Variants in POU2F1 observed in about 807,000 individuals in gnomAD.
POU2F1 encodes POU domain, class 2, transcription factor 1.
POU2F1 carries 16 observed loss-of-function variants against 84.9 expected under a neutral mutation model. The observed-to-expected ratio is 0.19, with a 90% CI of 0.13 to 0.29. The LOEUF is 0.29. POU2F1 is among the 10% of genes least tolerant of loss of function. The pLI is 1.00. For missense variants in POU2F1, 738 were observed against 942.6 expected, an observed-to-expected ratio of 0.78 and a Z score of 2.84; for synonymous variants, 368 against 368.3, an observed-to-expected ratio of 1.00 and a Z score of 0.01.
At chr1:167,345,998 C>CA (rs34988697) in intron 2 of POU2F1, among the ~76,000 whole-genome samples, 306 of 124,032 alleles carry the variant, frequency 2.5e-3, no homozygotes, top group Middle Eastern at 0.016. Context: ...CGCATGTCTA[C>CA]AAAAAAAAAA....
rs776298602 is a variant in POU2F1, at chr1:167,412,317, C to A, written c.1901+13C>A. On this transcript the variant is annotated intron_variant, in intron 14 of 15. Transcript: ENST00000367866. ...AGTTTGCGGCTGGGTAAGGCGCTTT[C>A]TCATCTCATTCACGTCTGAGGTGGA... The A allele has an allele frequency of 3.9e-6, 6 of 1,521,414 alleles. No homozygotes were observed. The highest frequency in any genetic ancestry group is 5.3e-6 in the Non-Finnish European group (6 of 1,126,366). The allele number at this position is 1,521,414 out of a possible 1,614,324, so 94.2% of individuals were successfully genotyped here. A position where few individuals can be genotyped will look rare whatever the true frequency, so the allele number is the denominator to read the frequency against.
chr1:167,335,121 T>C (rs79025320), intron 2 of POU2F1, among the ~76,000 whole-genome samples: 1,937 of 152,318 alleles, frequency 0.013, 40 homozygotes, highest in African/African-American at 0.045. Flanking sequence ...GCAGAAAATT[T>C]ATAGTTTAGG....
rs201865107 is a variant in POU2F1 at position 167,321,518 on chromosome 1, A to AT, written c.62-10946dup. Reference sequence around the variant, plus strand: ...TCTGTCAACATTCTCCATTTACCTCATTTTTTCTTAATAACAAAGACTGGA... The same window carrying AT: ...TCTGTCAACATTCTCCATTTACCTCATTTTTTTCTTAATAACAAAGACTGGA... On this transcript the variant is annotated intron_variant, in intron 1 of 15. Coordinates refer to ENST00000367866, the MANE Select transcript of POU2F1 (RefSeq NM_002697.4). Among the ~76,000 whole-genome samples, 1,263 of 152,146 alleles carry AT rather than the reference A, an allele frequency of 8.3e-3. 14 individuals are homozygous for AT. The highest frequency in any genetic ancestry group is 0.029 in the African/African-American group (1,186 of 41,508).
intron 1 of POU2F1, among the ~76,000 whole-genome samples, chr1:167,303,041 G>T (rs1327445188): frequency 2.0e-5 from 3 of 152,008 alleles, no homozygotes; most frequent in African/African-American, 7.2e-5. Flanking sequence ...AACCTGTATG[G>T]ATCTATTGCT....
chr1:167,358,313 G>A (rs1003975184), intron 2 of POU2F1, among the ~76,000 whole-genome samples: 1 of 151,386 alleles, frequency 6.6e-6, no homozygotes, highest in Non-Finnish European at 1.5e-5. Flanking sequence ...TTATTATTTA[G>A]TATTTTTTCA....
intron 1 of POU2F1, among the ~76,000 whole-genome samples, chr1:167,286,100 G>A (rs1414934359): frequency 6.6e-6 from 1 of 152,170 alleles, no homozygotes; most frequent in Non-Finnish European, 1.5e-5. Flanking sequence ...GGATTTCCTG[G>A]TACTCATCAG....
At chr1:167,328,993 T>G in intron 1 of POU2F1, 1 of 1,038,880 alleles carries the variant, frequency 9.6e-7, no homozygotes, top group Non-Finnish European at 1.2e-6. Flanking sequence ...AGGAACTTTT[T>G]CATGCTTCAG....
At chr1:167,285,118 A>G (rs1268746104) in intron 1 of POU2F1, among the ~76,000 whole-genome samples, 2 of 152,210 alleles carry the variant, frequency 1.3e-5, no homozygotes, top group Non-Finnish European at 2.9e-5. Context: ...TGCCACTTGT[A>G]TAGCATTTGT....
chr1:167,274,298 T>C (rs1243519542), intron 1 of POU2F1, among the ~76,000 whole-genome samples: 4 of 152,210 alleles, frequency 2.6e-5, no homozygotes, highest in Non-Finnish European at 5.9e-5. Flanking sequence ...AGGTAAAGTT[T>C]AAGGGGTTTT....
Position 167,418,365 on chromosome 1 carries a change from T to C in POU2F1, c.*2555T>C, listed in dbSNP as rs887086647. Reference sequence around the variant, plus strand: ...TTCTCTCCTCTCCATTCACTTTTTCTCTGTTGTAGTTAAATTTAATCTTCT... The same window carrying C: ...TTCTCTCCTCTCCATTCACTTTTTCCCTGTTGTAGTTAAATTTAATCTTCT... On this transcript the variant is annotated 3_prime_UTR_variant, in exon 16 of 16. Transcript: ENST00000367866. 1 of 152,216 alleles carries C rather than the reference T, an allele frequency of 6.6e-6. No homozygotes were observed. The highest frequency in any genetic ancestry group is 2.4e-5 in the African/African-American group (1 of 41,458). 9.4% of individuals were successfully genotyped at this position (152,216 alleles called of 1,614,324 possible).
At chr1:167,257,056 A>T (rs1336466369) in intron 1 of POU2F1, among the ~76,000 whole-genome samples, 2 of 152,210 alleles carry the variant, frequency 1.3e-5, no homozygotes, top group Non-Finnish European at 2.9e-5. Flanking sequence ...TCTATTGCTC[A>T]AGGTACTGTT....
rs1232829641 is a variant in POU2F1, at chr1:167,372,018, T to A, written c.384T>A (p.Ala128=). 1 of 1,613,260 alleles carries A rather than the reference T, an allele frequency of 6.2e-7. No individual in the cohort carries two copies. The highest frequency in any genetic ancestry group is 1.3e-5 in the African/African-American group (1 of 74,896). Residue 128 remains alanine, a synonymous_variant, in exon 5 of 16, where the codon GCT becomes GCA. Transcript: ENST00000367866. The part of the protein sequence containing the change: ...AAIPQTQLML[A]GGQITGLTLT... Reference sequence around the variant, plus strand: ...TTCCCCAGACCCAGCTTATGCTAGCTGGAGGACAGATAACTGGGGTAAGTG... The same window carrying A: ...TTCCCCAGACCCAGCTTATGCTAGCAGGAGGACAGATAACTGGGGTAAGTG...
chr1:167,311,547 C>T (rs1022345058), intron 1 of POU2F1, among the ~76,000 whole-genome samples: 44 of 152,036 alleles, frequency 2.9e-4, no homozygotes, highest in Non-Finnish European at 8.8e-5. Context: ...TGTATATAAC[C>T]GAGATCCCAT....
At chr1:167,409,846 T>G (rs140226662) in intron 13 of POU2F1, among the ~76,000 whole-genome samples, 2 of 152,250 alleles carry the variant, frequency 1.3e-5, no homozygotes, top group East Asian at 1.9e-4. Flanking sequence ...GTAGTACCCA[T>G]AGGTAAAATC....
rs577600861 is a variant in POU2F1, at chr1:167,368,361, T to G, written c.229-1800T>G. Among the ~76,000 whole-genome samples, 10 of 150,970 alleles carry G rather than the reference T, an allele frequency of 6.6e-5. No homozygotes were observed. In the East Asian group the frequency reaches 1.4e-3, roughly 21 times the overall value. On this transcript the variant is annotated intron_variant, in intron 3 of 15. Coordinates refer to ENST00000367866, the MANE Select transcript of POU2F1 (RefSeq NM_002697.4). ...CCTCTCGGTGCATTCAGAAGCCGTA[T>G]CATATTGCTTTGTCCCATTATTGTG... is the stretch of plus-strand genomic sequence containing the variant.
chr1:167,313,211 T>C (rs1655624186), intron 1 of POU2F1, among the ~76,000 whole-genome samples: 1 of 149,328 alleles, frequency 6.7e-6, no homozygotes, highest in African/African-American at 2.6e-5. Flanking sequence ...ATATATACTA[T>C]ATTCAGGGAT....
At position 167,389,735 on chromosome 1, in the gene POU2F1, A is replaced by G; in HGVS notation, c.961A>G (p.Arg321Gly). The G allele has an allele frequency of 6.2e-7, 1 of 1,613,918 alleles. No homozygotes were observed. The highest frequency in any genetic ancestry group is 8.5e-7 in the Non-Finnish European group (1 of 1,179,926). The change falls in exon 9 of 16, where the codon AGA becomes GGA. Residue 321 changes from arginine (R) to glycine (G), a missense_variant. Arg to Gly is a moderately radical substitution (Grantham distance 125). Around this residue, in one of 4 missense-constraint regions of POU2F1, gnomAD observed 95 missense variants for 195.1 expected, o/e 0.49. Transcript: ENST00000367866. Reference protein sequence around the residue: ...LEQFAKTFKQRRIKLGFTQGD... With the variant: ...LEQFAKTFKQGRIKLGFTQGD... ...GCAGTTTGCCAAGACCTTCAAACAA[A>G]GACGAATCAAACTTGGATTCACTCA...
chr1:167,357,358 C>CT (rs1659015142), intron 2 of POU2F1: 1 of 8,914 alleles, frequency 1.1e-4, no homozygotes, highest in Non-Finnish European at 2.3e-4. Flanking sequence ...TCCCCCACGC[C>CT]TCCCCCCCCA....
In POU2F1 at chr1:167,403,768, T is replaced by A. The variant is rs372642564; in HGVS notation, c.1555+2212T>A. Among the ~76,000 whole-genome samples the A allele has an allele frequency of 5.3e-5, 8 of 152,336 alleles. No individual in the cohort carries two copies. The East Asian group carries it at 1.5e-3, about 29-fold the overall frequency. Reference sequence around the variant, plus strand: ...TTGTTTTCCTGAGTTAGATCCAATGTTTCTCAGATGCCCTGTCATCCTCTT... The same window carrying A: ...TTGTTTTCCTGAGTTAGATCCAATGATTCTCAGATGCCCTGTCATCCTCTT... On this transcript the variant is annotated intron_variant, in intron 13 of 15. Transcript: ENST00000367866.
Sources: gnomAD v4.1 joint callset for allele counts (sites outside exome capture counted in the v4.1 genomes callset) on GRCh38, gnomAD v4.1.1 for gene constraint, gnomAD v4.1.1 regional missense constraint, MANE v1.5 for transcripts, NCBI Gene and HGNC (gene_info 2026-07-23, HGNC 2026-07-21) for gene names.